The following NPSR1 variants were observed in gnomAD, a reference collection of about 807,000 sequenced individuals.
NPSR1 encodes neuropeptide S receptor 1.
In NPSR1, 48 loss-of-function variants were observed where a neutral mutation model predicts 46.9. The observed-to-expected ratio is 1.02, with a 90% CI of 0.81 to 1.30. The LOEUF (loss-of-function observed/expected upper bound fraction) is 1.30, where lower values mean the gene tolerates loss of function less well. Among genes scored for constraint, NPSR1 ranks in the 50% most tolerant of loss-of-function variants. The probability of loss-of-function intolerance (pLI) is 0.00; values close to 1 mark genes in which losing one functional copy is unlikely to be tolerated. For synonymous variants in NPSR1, 176 were observed against 168.1 expected (o/e 1.05, Z -0.36); for missense variants, 450 against 449.5 (o/e 1.00, Z -0.01).
At chr7:34,799,603 T>C (rs2128747158) in intron 3 of NPSR1, among the ~76,000 whole-genome samples, 1 of 149,844 alleles carries the variant, frequency 6.7e-6, no homozygotes, top group African/African-American at 2.5e-5. Flanking sequence ...TACCAGCCAC[T>C]GCAAAACCAT....
chr7:34,871,027 G>A (rs975427539), intron 8 of NPSR1, among the ~76,000 whole-genome samples: 4 of 151,748 alleles, frequency 2.6e-5, no homozygotes, highest in Non-Finnish European at 4.4e-5. Context: ...GAGGTGGCAA[G>A]TGAGATTATA....
chr7:34,712,413 T>C (rs956009505), intron 2 of NPSR1, among the ~76,000 whole-genome samples: 3 of 152,364 alleles, frequency 2.0e-5, no homozygotes, highest in Middle Eastern at 3.4e-3. Flanking sequence ...TTCAAATTAA[T>C]TTAATTATGG....
At chr7:34,833,597 T>G (rs1790221884) in intron 5 of NPSR1, among the ~76,000 whole-genome samples, 1 of 152,194 alleles carries the variant, frequency 6.6e-6, no homozygotes, top group African/African-American at 2.4e-5. Flanking sequence ...ATTACTGCAT[T>G]ACAAATCACC....
At chr7:34,751,642 A>G in intron 2 of NPSR1, 1 of 1,598,466 alleles carries the variant, frequency 6.3e-7, no homozygotes, top group Non-Finnish European at 8.6e-7. Context: ...CAAGTGGACC[A>G]GCTGCTGCAG....
At chr7:34,688,479 C>A (rs1793053083) in intron 2 of NPSR1, among the ~76,000 whole-genome samples, 1 of 152,186 alleles carries the variant, frequency 6.6e-6, no homozygotes, top group South Asian at 2.1e-4. Flanking sequence ...TTTGGTGCAC[C>A]TGCCCCCTTA....
At chr7:34,827,677 C>A in intron 5 of NPSR1, 75 bp downstream of exon 5, 2 of 947,228 alleles carry the variant, frequency 2.1e-6, no homozygotes, top group South Asian at 1.4e-5. Context: ...AGCTGTTGCT[C>A]TCCTCCCCAA....
chr7:34,810,216 T>C (rs1284294746), intron 3 of NPSR1, among the ~76,000 whole-genome samples: 1 of 152,230 alleles, frequency 6.6e-6, no homozygotes, highest in African/African-American at 2.4e-5. Context: ...GTTACTCTTC[T>C]ACTCCCTCTG....
At chr7:34,795,035 T>A (rs141809130) in intron 3 of NPSR1, among the ~76,000 whole-genome samples, 26 of 151,846 alleles carry the variant, frequency 1.7e-4, no homozygotes, top group African/African-American at 6.3e-4. Flanking sequence ...TGAGACCCTA[T>A]CTCTTAAAAA....
intron 7 of NPSR1, among the ~76,000 whole-genome samples, chr7:34,847,990 A>T (rs549250024): frequency 7.2e-5 from 11 of 152,198 alleles, no homozygotes; most frequent in Non-Finnish European, 1.3e-4. Context: ...GGTGAAAGAG[A>T]ACACTGTCAT....
At chr7:34,707,554 G>A (rs1249905139) in intron 2 of NPSR1, among the ~76,000 whole-genome samples, 8 of 152,204 alleles carry the variant, frequency 5.3e-5, no homozygotes, top group Admixed American at 5.2e-4. Context: ...TCAACAAACA[G>A]TATTAACCAC....
chr7:34,677,213 C>G (rs1343034373), intron 1 of NPSR1, among the ~76,000 whole-genome samples: 4 of 152,184 alleles, frequency 2.6e-5, no homozygotes, highest in Non-Finnish European at 5.9e-5. Flanking sequence ...ATGAAGAAGG[C>G]AGCCATTTTC....
chr7:34,814,114 A>T (rs758562389), intron 4 of NPSR1, among the ~76,000 whole-genome samples: 1 of 152,240 alleles, frequency 6.6e-6, no homozygotes, highest in Non-Finnish European at 1.5e-5. Context: ...GCATCGCCTC[A>T]CCTGGGGAGC....
intron 5 of NPSR1, among the ~76,000 whole-genome samples, chr7:34,829,374 G>A (rs1343557831): frequency 1.3e-5 from 2 of 152,180 alleles, no homozygotes; most frequent in East Asian, 3.9e-4. Flanking sequence ...AGCTGAGCTT[G>A]AGAGAAAGTT....
At chr7:34,810,713 T>C (rs1214880964) in intron 3 of NPSR1, among the ~76,000 whole-genome samples, 1 of 152,230 alleles carries the variant, frequency 6.6e-6, no homozygotes, top group Non-Finnish European at 1.5e-5. Flanking sequence ...TAAAAGTCAA[T>C]TCCAAACAAA....
intron 2 of NPSR1, among the ~76,000 whole-genome samples, chr7:34,706,924 T>C (rs181999573): frequency 6.6e-6 from 1 of 152,308 alleles, no homozygotes; most frequent in Admixed American, 6.5e-5. Context: ...AGCTGCACAA[T>C]GCCATCATTG....
intron 2 of NPSR1, chr7:34,704,077 T>C (rs1793983895): frequency 6.6e-6 from 1 of 152,166 alleles, no homozygotes. Flanking sequence ...TCCTATACAT[T>C]ACCTGAACGC....
chr7:34,778,603 TA>T, intron 3 of NPSR1, 38 bp downstream of exon 3: 1 of 1,257,108 alleles, frequency 8.0e-7, no homozygotes, highest in East Asian at 2.3e-5. Context: ...GACAAACTGA[TA>T]CCAGAGTTAG....
intron 2 of NPSR1, among the ~76,000 whole-genome samples, chr7:34,696,092 A>AAC (rs987977796): frequency 4.6e-5 from 7 of 151,758 alleles, no homozygotes; most frequent in African/African-American, 1.7e-4. Flanking sequence ...AAAAAAAAAA[A>AAC]AAAAAACTGC....
At chr7:34,721,566 G>T (rs1207109240) in intron 2 of NPSR1, among the ~76,000 whole-genome samples, 1 of 152,096 alleles carries the variant, frequency 6.6e-6, no homozygotes, top group African/African-American at 2.4e-5. Flanking sequence ...TGCATGCCAG[G>T]CCCTGCAATT....
Sources: allele counts gnomAD v4.1 joint callset (sites outside exome capture counted in the v4.1 genomes callset), GRCh38; gene constraint gnomAD v4.1.1; transcripts MANE v1.5; gene names NCBI Gene and HGNC (gene_info 2026-07-23, HGNC 2026-07-21).